The following MGAT5 variants were observed in gnomAD, a reference collection of about 807,000 sequenced individuals.
The protein encoded by MGAT5 is alpha-1,6-mannosylglycoprotein 6-beta-N-acetylglucosaminyltransferase A.
MGAT5 carries 30 observed loss-of-function variants against 94.3 expected under a neutral mutation model. The ratio of observed to expected loss-of-function variants is 0.32; its 90% CI spans 0.24 to 0.43. The LOEUF is 0.43. Ranked by LOEUF, MGAT5 falls within the 20% of genes least tolerant of loss-of-function variation. MGAT5 has a pLI of 1.00. For missense variants in MGAT5, 691 were observed against 905.5 expected (o/e 0.76, Z 3.04); for synonymous variants, 310 against 322.9 (o/e 0.96, Z 0.43).
In MGAT5 at chr2:134,341,501, T is replaced by G. The variant is rs1688629042; in HGVS notation, c.808-89T>G. The G allele has an allele frequency of 3.6e-6, 4 of 1,120,436 alleles. No individual in the cohort carries two copies. The Admixed American group carries it at 7.5e-5, about 21-fold the overall frequency. 69.4% of individuals were successfully genotyped at this position (1,120,436 alleles called of 1,614,324 possible). ...GATTTTGTTAGGATGTAAACATGACTTTGGGATTGGTCAATCATTTCTTGG... is the reference window on the plus strand; with the variant it reads ...GATTTTGTTAGGATGTAAACATGACGTTGGGATTGGTCAATCATTTCTTGG... On this transcript the variant is annotated intron_variant, in intron 6 of 15. Coordinates refer to ENST00000281923, the MANE Select transcript of MGAT5 (RefSeq NM_002410.5).
At chr2:134,176,732 C>CACTT (rs1688485794) in intron 1 of MGAT5, among the ~76,000 whole-genome samples, 1 of 152,124 alleles carries the variant, frequency 6.6e-6, no homozygotes. Context: ...GTTTCTAGAA[C>CACTT]ACTTACACTC....
intron 2 of MGAT5, among the ~76,000 whole-genome samples, chr2:134,310,433 A>G (rs890225940): frequency 6.6e-6 from 1 of 152,232 alleles, no homozygotes; most frequent in African/African-American, 2.4e-5. Context: ...AGAGGGTTGA[A>G]TGGTGTGGTT....
intron 1 of MGAT5, among the ~76,000 whole-genome samples, chr2:134,156,745 C>T (rs1271354762): frequency 6.6e-6 from 1 of 152,168 alleles, no homozygotes; most frequent in Non-Finnish European, 1.5e-5. Flanking sequence ...CTGTGATCCC[C>T]TCCCTCCACA....
intron 9 of MGAT5, among the ~76,000 whole-genome samples, chr2:134,353,307 A>G (rs1679510804): frequency 2.0e-5 from 3 of 152,200 alleles, no homozygotes; most frequent in Admixed American, 2.0e-4. Context: ...TACAGAGAAG[A>G]TTATTACTTA....
intron 1 of MGAT5, among the ~76,000 whole-genome samples, chr2:134,160,132 C>T (rs11896581): frequency 0.17 from 25,751 of 152,064 alleles, 2,368 homozygotes; most frequent in South Asian, 0.23. Context: ...GTGGTGGAGC[C>T]TGGGGTAAGT....
At chr2:134,283,062 T>G (rs1220258950) in intron 2 of MGAT5, among the ~76,000 whole-genome samples, 1 of 152,102 alleles carries the variant, frequency 6.6e-6, no homozygotes, top group East Asian at 1.9e-4. Context: ...ACTAGACTTT[T>G]GAGAGAGCAG....
intron 1 of MGAT5, among the ~76,000 whole-genome samples, chr2:134,255,080 A>G (rs542789453): frequency 2.0e-5 from 3 of 152,288 alleles, no homozygotes; most frequent in East Asian, 3.9e-4. Flanking sequence ...CTTAGAGCCA[A>G]TTGTGTTCCT....
chr2:134,163,174 G>A (rs531337423), intron 1 of MGAT5, among the ~76,000 whole-genome samples: 2 of 152,266 alleles, frequency 1.3e-5, no homozygotes, highest in South Asian at 4.1e-4. Context: ...GGCTTGGAAG[G>A]GGGATGTATT....
At chr2:134,299,120 T>G (rs943784345) in intron 2 of MGAT5, among the ~76,000 whole-genome samples, 6 of 152,186 alleles carry the variant, frequency 3.9e-5, no homozygotes, top group Admixed American at 6.6e-5. Context: ...ACCACTATCA[T>G]CATCTGTAGT....
chr2:134,287,878 G>A (rs997791797), intron 2 of MGAT5, among the ~76,000 whole-genome samples: 1 of 152,150 alleles, frequency 6.6e-6, no homozygotes, highest in Non-Finnish European at 1.5e-5. Context: ...GAATATTCCT[G>A]TCTTACATCC....
At chr2:134,410,889 A>T (rs1471877721) in intron 11 of MGAT5, among the ~76,000 whole-genome samples, 1 of 152,110 alleles carries the variant, frequency 6.6e-6, no homozygotes, top group East Asian at 1.9e-4. Context: ...TTTTCTCCTC[A>T]GTCAGAAAGA....
At position 134,155,616 on chromosome 2, in the gene MGAT5, A is replaced by C. The variant is rs184521768; in HGVS notation, c.-143+35325A>C. ...TTGTTATTTTTATTGTCAATATTCT[A>C]CTAAAATTCAGGGCCATCCTTTTTA... On this transcript the variant is annotated intron_variant, in intron 1 of 16. Transcript: ENST00000409645. 2.0e-5 allele frequency among the ~76,000 whole-genome samples: 3 copies of C among 152,322 alleles called. No individual in the cohort carries two copies. The East Asian group carries it at 5.8e-4, about 29-fold the overall frequency.
At chr2:134,447,349 A>ATGACGACAATGACCACAATCC (rs1294477717) in intron 15 of MGAT5, among the ~76,000 whole-genome samples, 1 of 152,254 alleles carries the variant, frequency 6.6e-6, no homozygotes, top group East Asian at 1.9e-4. Context: ...AGGCAGGGTG[A>ATGACGACAATGACCACAATCC]TGACGACAAT....
chr2:134,171,964 C>T (rs1167250754), intron 1 of MGAT5, among the ~76,000 whole-genome samples: 1 of 152,164 alleles, frequency 6.6e-6, no homozygotes, highest in Non-Finnish European at 1.5e-5. Context: ...CTCTTGGTAC[C>T]ACCCATAATC....
At position 134,268,136 on chromosome 2, in the gene MGAT5, A is replaced by G. The variant is rs980272765; in HGVS notation, c.242-2250A>G. Among the ~76,000 whole-genome samples the G allele has an allele frequency of 1.3e-5, 2 of 152,226 alleles. No homozygotes were observed. Among genetic ancestry groups the G allele is most frequent in the Admixed American group, 6.5e-5 (1 of 15,284 alleles). Reference sequence around the variant, plus strand: ...AATGCAAGGACAGTCACCACGACAAAGAATTACCCGGCCCAAAGTGTCAGT... The same window carrying G: ...AATGCAAGGACAGTCACCACGACAAGGAATTACCCGGCCCAAAGTGTCAGT... On this transcript the variant is annotated intron_variant, in intron 1 of 15. Coordinates refer to ENST00000281923, the MANE Select transcript of MGAT5 (RefSeq NM_002410.5). The surrounding 1 kb of genome is among the most constrained non-coding windows in gnomAD (Gnocchi z 4.1).
chr2:134,433,830 C>A (rs1685017622), intron 14 of MGAT5, among the ~76,000 whole-genome samples: 1 of 102,020 alleles, frequency 9.8e-6, no homozygotes, highest in Admixed American at 1.3e-4. Flanking sequence ...CCTGTCCTAC[C>A]AACTTTTTTT....
chr2:134,241,445 T>G (rs958174523), intron 1 of MGAT5, among the ~76,000 whole-genome samples: 1 of 152,220 alleles, frequency 6.6e-6, no homozygotes, highest in Non-Finnish European at 1.5e-5. Context: ...AGTAGATTGC[T>G]CTCTGTTTTG....
At chr2:134,160,528 C>T (rs1378613795) in intron 1 of MGAT5, among the ~76,000 whole-genome samples, 2 of 152,188 alleles carry the variant, frequency 1.3e-5, no homozygotes, top group African/African-American at 4.8e-5. Flanking sequence ...GATGTGAAGG[C>T]TGGGTGCAGC....
At chr2:134,394,549 CT>C (rs1218904281) in intron 10 of MGAT5, among the ~76,000 whole-genome samples, 7 of 152,166 alleles carry the variant, frequency 4.6e-5, no homozygotes, top group Non-Finnish European at 8.8e-5. Context: ...ATTCTCCCCC[CT>C]TCTTGTTACC....
Sources: allele counts gnomAD v4.1 joint callset (sites outside exome capture counted in the v4.1 genomes callset), GRCh38; gene constraint gnomAD v4.1.1; non-coding constraint Gnocchi (gnomAD v3.1); transcripts MANE v1.5; gene names NCBI Gene and HGNC (gene_info 2026-07-23, HGNC 2026-07-21).